ENOX1: variants seen among roughly 807,000 people sequenced by gnomAD.
ENOX1 encodes candidate growth-related and time keeping constitutive hydroquinone (NADH) oxidase.
Under a neutral mutation model 82.5 loss-of-function variants are expected in ENOX1, and 42 were observed. That is an observed-to-expected ratio of 0.51 (90% CI 0.40 to 0.66). ENOX1 has a LOEUF of 0.66. Among genes scored for constraint, ENOX1 ranks in the 30% least tolerant of loss-of-function variants. The pLI, the probability that ENOX1 is intolerant of heterozygous loss-of-function variation, is 0.00. For synonymous variants in ENOX1, 271 were observed against 282.2 expected, an observed-to-expected ratio of 0.96 and a Z score of 0.40; for missense variants, 608 against 811.6, an observed-to-expected ratio of 0.75 and a Z score of 3.05.
intron 5 of ENOX1, among the ~76,000 whole-genome samples, chr13:43,382,082 A>G (rs2052086617): frequency 6.6e-6 from 1 of 152,116 alleles, no homozygotes; most frequent in African/African-American, 2.4e-5. Flanking sequence ...ACTATAGACA[A>G]TATTCAGCAT....
In ENOX1 at chr13:43,248,449, T is replaced by TA. The variant is rs559065828; in HGVS notation, c.1612-11712dup. Among the ~76,000 whole-genome samples, 574 of 152,092 alleles carry TA rather than the reference T, an allele frequency of 3.8e-3. 3 individuals are homozygous for TA. Among genetic ancestry groups the TA allele is most frequent in the African/African-American group, 0.013 (549 of 41,478 alleles). On this transcript the variant is annotated intron_variant, in intron 14 of 16. Coordinates refer to ENST00000690772, the MANE Select transcript of ENOX1 (RefSeq NM_001347969.2). ...AAATACATTTATTGTAGTATCATTT[T>TA]AAAATAACACAATTTCTTTAATCTC...
intron 1 of ENOX1, among the ~76,000 whole-genome samples, chr13:43,765,757 AAAT>A (rs1951223945): frequency 2.0e-5 from 3 of 152,194 alleles, no homozygotes; most frequent in Admixed American, 2.0e-4. Flanking sequence ...ATAACTCGGA[AAAT>A]AATCATTACC....
chr13:43,487,379 A>G (rs968797876), intron 2 of ENOX1, among the ~76,000 whole-genome samples: 2 of 152,212 alleles, frequency 1.3e-5, no homozygotes, highest in Admixed American at 1.3e-4. Context: ...AGGCATTTAC[A>G]GAAATTCTAT....
intron 5 of ENOX1, among the ~76,000 whole-genome samples, chr13:43,408,181 G>A (rs1016160528): frequency 2.6e-5 from 4 of 152,196 alleles, no homozygotes; most frequent in Admixed American, 1.3e-4. Flanking sequence ...GGAAGTGCAC[G>A]ACAGCACATC....
Position 43,289,671 on chromosome 13 carries a change from A to T in ENOX1, c.1446+8675T>A, listed in dbSNP as rs555258502. On this transcript the variant is annotated intron_variant, in intron 12 of 16. Coordinates refer to ENST00000690772, the MANE Select transcript of ENOX1 (RefSeq NM_001347969.2). The stretch of plus-strand genomic sequence containing the variant: ...CTTCTCGACTTTGGCATTGGCAAAG[A>T]TTTTTTGGCTGAGTCCCCAAAAGCA... Among the ~76,000 whole-genome samples, 3 of 152,332 alleles carry T rather than the reference A, an allele frequency of 2.0e-5. No homozygotes were observed. In the East Asian group the frequency reaches 5.8e-4, roughly 29 times the overall value.
At chr13:43,474,863 A>G (rs1354395874) in intron 3 of ENOX1, among the ~76,000 whole-genome samples, 1 of 152,114 alleles carries the variant, frequency 6.6e-6, no homozygotes, top group Non-Finnish European at 1.5e-5. Flanking sequence ...CTATTACTAG[A>G]CATGTTTTCT....
intron 5 of ENOX1, among the ~76,000 whole-genome samples, chr13:43,362,783 T>C (rs2050612987): frequency 1.3e-5 from 2 of 152,232 alleles, no homozygotes; most frequent in South Asian, 4.1e-4. Flanking sequence ...ACTTTGGACA[T>C]TTCCACTCCT....
chr13:43,520,012 C>T (rs1263674977), intron 2 of ENOX1, among the ~76,000 whole-genome samples: 2 of 152,144 alleles, frequency 1.3e-5, no homozygotes, highest in Admixed American at 1.3e-4. Flanking sequence ...ACTGACTCCT[C>T]ACTGGGCTAT....
intron 5 of ENOX1, among the ~76,000 whole-genome samples, chr13:43,406,593 C>G (rs1029735826): frequency 6.6e-6 from 1 of 151,260 alleles, no homozygotes; most frequent in Non-Finnish European, 1.5e-5. Context: ...CCCGGGTTCA[C>G]GCCATTCTCC....
At chr13:43,656,114 T>TTA (rs1202100184) in intron 2 of ENOX1, among the ~76,000 whole-genome samples, 1 of 152,226 alleles carries the variant, frequency 6.6e-6, no homozygotes, top group African/African-American at 2.4e-5. Flanking sequence ...GCAAGTTTTA[T>TTA]TATGCATGTG....
chr13:43,603,867 T>C (rs1205715039), intron 2 of ENOX1, among the ~76,000 whole-genome samples: 3 of 108,490 alleles, frequency 2.8e-5, no homozygotes, highest in Middle Eastern at 7.6e-3. Context: ...TGTGTCTTTA[T>C]AGCAGCATGA....
In ENOX1 at chr13:43,287,595, A is replaced by G. The variant is rs1354233507; in HGVS notation, c.1446+10751T>C. On this transcript the variant is annotated intron_variant, in intron 12 of 16. Coordinates refer to ENST00000690772, the MANE Select transcript of ENOX1 (RefSeq NM_001347969.2). ...ACTAGTTCAGTGTTTTCATTTCATT[A>G]TTCATGCCCTTAGGTGGCATCAGTA... Among the ~76,000 whole-genome samples the G allele has an allele frequency of 1.4e-4, 22 of 152,198 alleles. 1 individual carries two copies. Among genetic ancestry groups the G allele is most frequent in the Admixed American group, 1.4e-3 (22 of 15,274 alleles).
intron 1 of ENOX1, among the ~76,000 whole-genome samples, chr13:43,725,416 A>G (rs143366203): frequency 2.0e-4 from 30 of 152,242 alleles, no homozygotes; most frequent in Non-Finnish European, 7.4e-5. Flanking sequence ...CTCACCAAGT[A>G]GTAGTGTTAT....
At chr13:43,605,685 G>A (rs1043319252) in intron 2 of ENOX1, among the ~76,000 whole-genome samples, 16 of 152,154 alleles carry the variant, frequency 1.1e-4, no homozygotes, top group African/African-American at 3.6e-4. Flanking sequence ...AAATCTAAGA[G>A]CTCAAACTGT....
At chr13:43,707,149 G>A (rs987535094) in intron 1 of ENOX1, among the ~76,000 whole-genome samples, 2 of 151,822 alleles carry the variant, frequency 1.3e-5, no homozygotes, top group East Asian at 1.9e-4. Flanking sequence ...AATTTAAAAC[G>A]ATACTATTAA....
chr13:43,720,034 A>G (rs1361714680), intron 1 of ENOX1, among the ~76,000 whole-genome samples: 1 of 152,198 alleles, frequency 6.6e-6, no homozygotes, highest in African/African-American at 2.4e-5. Flanking sequence ...AACTGTAATC[A>G]TTCTAAAAAT....
At chr13:43,217,323 G>A (rs895040) in intron 16 of ENOX1, among the ~76,000 whole-genome samples, 122,937 of 152,170 alleles carry the variant, frequency 0.81, 50,137 homozygotes, top group Non-Finnish European at 0.88. Flanking sequence ...GCTCACACAC[G>A]TTCATATTGC....
chr13:43,753,928 T>C (rs186377927), intron 1 of ENOX1, among the ~76,000 whole-genome samples: 17 of 33,766 alleles, frequency 5.0e-4, no homozygotes, highest in Admixed American at 2.5e-3. Flanking sequence ...ATTTCCTTAA[T>C]AGGAATCTAG....
chr13:43,424,925 G>A (rs1245950302), intron 3 of ENOX1, among the ~76,000 whole-genome samples: 2 of 152,160 alleles, frequency 1.3e-5, no homozygotes, highest in Non-Finnish European at 2.9e-5. Context: ...AGCACATCCA[G>A]TTGGAAAGTT....
Sources: allele counts gnomAD v4.1 joint callset (sites outside exome capture counted in the v4.1 genomes callset), GRCh38; gene constraint gnomAD v4.1.1; transcripts MANE v1.5; gene names NCBI Gene and HGNC (gene_info 2026-07-23, HGNC 2026-07-21).